SEMA3E: variants seen among roughly 807,000 people sequenced by gnomAD.
SEMA3E encodes the protein semaphorin-3E.
Under a neutral mutation model 93.6 loss-of-function variants are expected in SEMA3E, and 49 were observed. That is an observed-to-expected ratio of 0.52 (90% CI 0.42 to 0.66). The LOEUF (loss-of-function observed/expected upper bound fraction) is 0.66, where lower values mean the gene tolerates loss of function less well. Ranked by LOEUF, SEMA3E falls within the 30% of genes least tolerant of loss-of-function variation. SEMA3E has a pLI of 0.00. For synonymous variants in SEMA3E, 363 were observed against 330.7 expected (o/e 1.10, Z -1.06); for missense variants, 906 against 964.8 (o/e 0.94, Z 0.81).
At chr7:83,579,066 C>T (rs1792467188) in intron 1 of SEMA3E, among the ~76,000 whole-genome samples, 2 of 151,920 alleles carry the variant, frequency 1.3e-5, no homozygotes, top group South Asian at 4.1e-4. Flanking sequence ...GTATAGATTT[C>T]AAAAGAGAGA....
intron 1 of SEMA3E, among the ~76,000 whole-genome samples, chr7:83,597,213 A>C (rs1250124460): frequency 6.6e-6 from 1 of 152,168 alleles, no homozygotes; most frequent in East Asian, 1.9e-4. Flanking sequence ...GTCTATAGCC[A>C]CAGTGTGCCA....
chr7:83,639,261 C>T (rs1237323021), intron 1 of SEMA3E, among the ~76,000 whole-genome samples: 7 of 151,988 alleles, frequency 4.6e-5, no homozygotes, highest in South Asian at 2.1e-4. Flanking sequence ...CTCCAGTTTC[C>T]ATCTCCTTTC....
chr7:83,414,378 C>G (rs904785347), intron 5 of SEMA3E, among the ~76,000 whole-genome samples: 1 of 151,810 alleles, frequency 6.6e-6, no homozygotes, highest in East Asian at 1.9e-4. Flanking sequence ...CAACTTGAAA[C>G]AATAACTTAA....
intron 11 of SEMA3E, among the ~76,000 whole-genome samples, 188 bp downstream of exon 11, chr7:83,399,840 A>T (rs1788202610): frequency 6.6e-6 from 1 of 152,134 alleles, no homozygotes; most frequent in Admixed American, 6.6e-5. Context: ...TTCCCAGACA[A>T]CTGGCCTAAA....
At chr7:83,505,376 C>T (rs1326312370) in intron 1 of SEMA3E, among the ~76,000 whole-genome samples, 1 of 151,962 alleles carries the variant, frequency 6.6e-6, no homozygotes, top group South Asian at 2.1e-4. Context: ...CTATTAACCT[C>T]AAACAAATAA....
chr7:83,413,624 AAG>A (rs1320940541), intron 5 of SEMA3E, among the ~76,000 whole-genome samples: 1 of 152,198 alleles, frequency 6.6e-6, no homozygotes. Context: ...AGGATGCTGA[AAG>A]AAACCAGGAA....
At chr7:83,476,978 AAAAAT>A (rs766239848) in intron 2 of SEMA3E, among the ~76,000 whole-genome samples, 10 of 152,170 alleles carry the variant, frequency 6.6e-5, no homozygotes, top group Non-Finnish European at 1.0e-4. Flanking sequence ...TTCAACGGAG[AAAAAT>A]AAAATAAAGT....
chr7:83,586,646 G>C (rs2066002541), intron 1 of SEMA3E, among the ~76,000 whole-genome samples: 1 of 151,578 alleles, frequency 6.6e-6, no homozygotes, highest in Non-Finnish European at 1.5e-5. Context: ...CTCTCTCTTT[G>C]AAGACCAAGA....
At chr7:83,395,094 C>T (rs1191348238) in intron 12 of SEMA3E, among the ~76,000 whole-genome samples, 7 of 152,076 alleles carry the variant, frequency 4.6e-5, no homozygotes, top group Admixed American at 4.6e-4. Context: ...TTTATTTTTA[C>T]TTTAAACTAC....
At chr7:83,414,124 A>G (rs1422703230) in intron 5 of SEMA3E, among the ~76,000 whole-genome samples, 1 of 152,210 alleles carries the variant, frequency 6.6e-6, no homozygotes, top group East Asian at 1.9e-4. Flanking sequence ...GGAAAGTGGT[A>G]AGGGAATAAC....
At chr7:83,418,516 A>G in intron 4 of SEMA3E, 33 bp from the exon 5 acceptor site, 1 of 1,373,458 alleles carries the variant, frequency 7.3e-7, no homozygotes, top group Non-Finnish European at 1.0e-6. Flanking sequence ...CATTATGAAT[A>G]TGCCTCCTCT....
chr7:83,385,495 A>T, intron 15 of SEMA3E, 62 bp from the exon 16 acceptor site: 1 of 1,540,084 alleles, frequency 6.5e-7, no homozygotes, highest in Non-Finnish European at 9.0e-7. Context: ...TAAATTTTTC[A>T]AACATTATTT....
intron 4 of SEMA3E, among the ~76,000 whole-genome samples, chr7:83,448,116 A>G (rs773763908): frequency 2.0e-5 from 3 of 152,210 alleles, no homozygotes; most frequent in African/African-American, 4.8e-5. Context: ...TCATCTTGCC[A>G]GTCCGGAAAA....
chr7:83,581,020 G>A (rs777482675), intron 1 of SEMA3E, among the ~76,000 whole-genome samples: 7 of 152,008 alleles, frequency 4.6e-5, no homozygotes, highest in Non-Finnish European at 7.4e-5. Flanking sequence ...GTAGTCTAAA[G>A]TTTCATAAAT....
chr7:83,407,254 A>T lies in SEMA3E; in HGVS notation c.671-15T>A. 6.2e-7 allele frequency: 1 copy of T among 1,605,668 alleles called. No individual in the cohort carries two copies. ...AAATTTTGGTTCTATAGGAGCAAAA[A>T]ATAGGAGAAAAAGTGAAATAGATAT... On this transcript the variant is annotated splice_polypyrimidine_tract_variant and intron_variant, in intron 6 of 16. Transcript: ENST00000643230.
At chr7:83,432,469 AGT>A (rs946632028) in intron 4 of SEMA3E, among the ~76,000 whole-genome samples, 1 of 152,246 alleles carries the variant, frequency 6.6e-6, no homozygotes, top group African/African-American at 2.4e-5. Flanking sequence ...TGCTAATAAA[AGT>A]GTGAAATGGT....
chr7:83,415,012 T>G (rs541810075), intron 5 of SEMA3E, among the ~76,000 whole-genome samples: 1 of 152,152 alleles, frequency 6.6e-6, no homozygotes, highest in East Asian at 1.9e-4. Context: ...ATATAACTGA[T>G]AAAAAGAGTC....
intron 1 of SEMA3E, among the ~76,000 whole-genome samples, chr7:83,621,612 C>A (rs1238596138): frequency 2.0e-5 from 3 of 152,138 alleles, no homozygotes; most frequent in Non-Finnish European, 4.4e-5. Flanking sequence ...GCTACAGTAT[C>A]CAAAACACCA....
chr7:83,536,808 C>T (rs1256246032), intron 1 of SEMA3E, among the ~76,000 whole-genome samples: 1 of 152,098 alleles, frequency 6.6e-6, no homozygotes, highest in Non-Finnish European at 1.5e-5. Context: ...CACAGATTTT[C>T]TGTAGAAATA....
Sources: gnomAD v4.1 joint callset for allele counts (sites outside exome capture counted in the v4.1 genomes callset) on GRCh38, gnomAD v4.1.1 for gene constraint, MANE v1.5 for transcripts, NCBI Gene and HGNC (gene_info 2026-07-23, HGNC 2026-07-21) for gene names.